Variants in QTMAN observed in about 807,000 individuals in gnomAD.
QTMAN encodes the protein tRNA-queuosine alpha-mannosyltransferase.
the QTMAN span, among the ~76,000 whole-genome samples, chr2:144,154,981 C>A: frequency 1.3e-5 from 2 of 152,170 alleles, no homozygotes; most frequent in Non-Finnish European, 2.9e-5. Context: ...AACTGGTTAA[C>A]TTTCCATTTA....
the QTMAN span, among the ~76,000 whole-genome samples, chr2:144,016,493 T>C: frequency 6.6e-6 from 1 of 152,120 alleles, no homozygotes; most frequent in Non-Finnish European, 1.5e-5. Context: ...CCACGTACAT[T>C]TGCTCTTTCT....
At chr2:143,939,194 TTTTC>T in the QTMAN span, 2 of 152,200 alleles carry the variant, frequency 1.3e-5, no homozygotes, top group African/African-American at 4.8e-5. Flanking sequence ...GATTAGGAGT[TTTTC>T]TTTTTCTTAC....
At chr2:144,021,403 A>G in the QTMAN span, among the ~76,000 whole-genome samples, 1 of 152,310 alleles carries the variant, frequency 6.6e-6, no homozygotes, top group Admixed American at 6.5e-5. Context: ...TCTCTTACGT[A>G]CCCTTTTTCT....
the QTMAN span, among the ~76,000 whole-genome samples, chr2:144,110,729 C>A: frequency 6.9e-6 from 1 of 143,954 alleles, no homozygotes; most frequent in Non-Finnish European, 1.5e-5. Flanking sequence ...TGAAATCTTA[C>A]ATTACGAAAT....
At chr2:143,973,681 C>T in the QTMAN span, among the ~76,000 whole-genome samples, 8 of 151,320 alleles carry the variant, frequency 5.3e-5, no homozygotes, top group South Asian at 6.3e-4. Context: ...CCCAGCTACA[C>T]GGGAGGCTGA....
the QTMAN span, among the ~76,000 whole-genome samples, chr2:144,205,299 T>G: frequency 6.6e-6 from 1 of 152,216 alleles, no homozygotes; most frequent in African/African-American, 2.4e-5. Flanking sequence ...TTGTACTTCA[T>G]GGTTGCGGAC....
At chr2:144,239,529 C>T in the QTMAN span, among the ~76,000 whole-genome samples, 2 of 152,154 alleles carry the variant, frequency 1.3e-5, no homozygotes, top group Non-Finnish European at 2.9e-5. Context: ...CCCATTCCTT[C>T]CTCCCTGCTA....
the QTMAN span, among the ~76,000 whole-genome samples, chr2:144,307,159 TAAAAAAAAAA>T: frequency 1.5e-4 from 6 of 40,466 alleles, no homozygotes; most frequent in East Asian, 2.5e-3. Context: ...GACTCCGTCT[TAAAAAAAAAA>T]AAAAAAAAAA....
chr2:144,331,824 G>A, the QTMAN span, among the ~76,000 whole-genome samples: 1 of 152,222 alleles, frequency 6.6e-6, no homozygotes, highest in Admixed American at 6.5e-5. Flanking sequence ...GGGGCACAGT[G>A]AGGGTCTTCA....
chr2:143,950,236 A>G, the QTMAN span, among the ~76,000 whole-genome samples: 3 of 151,930 alleles, frequency 2.0e-5, no homozygotes, highest in South Asian at 6.2e-4. Flanking sequence ...GCTCAATGAA[A>G]TAACATTTAA....
the QTMAN span, among the ~76,000 whole-genome samples, chr2:144,292,690 A>G: frequency 1.3e-5 from 2 of 152,186 alleles, no homozygotes; most frequent in African/African-American, 4.8e-5. Context: ...CATGCTTACA[A>G]TGGAAATTGA....
the QTMAN span, among the ~76,000 whole-genome samples, chr2:144,217,686 C>A: frequency 5.3e-5 from 8 of 152,014 alleles, no homozygotes; most frequent in Non-Finnish European, 8.8e-5. Flanking sequence ...TTCTTTACCC[C>A]TCAGCACTGG....
At chr2:144,233,501 T>G in the QTMAN span, among the ~76,000 whole-genome samples, 2 of 152,148 alleles carry the variant, frequency 1.3e-5, no homozygotes, top group African/African-American at 2.4e-5. Context: ...CTGCCTGCCT[T>G]CCTTCGGTGA....
the QTMAN span, among the ~76,000 whole-genome samples, chr2:143,990,043 G>A: frequency 6.6e-6 from 1 of 152,066 alleles, no homozygotes; most frequent in African/African-American, 2.4e-5. Context: ...GAATCTCTCA[G>A]TGTGGGGGGC....
chr2:144,312,329 C>T, the QTMAN span, among the ~76,000 whole-genome samples: 5 of 152,010 alleles, frequency 3.3e-5, no homozygotes, highest in Non-Finnish European at 7.4e-5. Flanking sequence ...CTACACCCAG[C>T]TGGGAAATAC....
the QTMAN span, among the ~76,000 whole-genome samples, chr2:144,066,385 C>A: frequency 7.9e-5 from 12 of 152,338 alleles, no homozygotes; most frequent in South Asian, 2.1e-3. Context: ...ACATTTAAAT[C>A]TCTCCTCCAC....
At chr2:144,038,776 G>A in the QTMAN span, among the ~76,000 whole-genome samples, 2 of 152,102 alleles carry the variant, frequency 1.3e-5, no homozygotes, top group Non-Finnish European at 2.9e-5. Context: ...CCCCTCAATA[G>A]AGATTAAATT....
At chr2:144,204,137 T>C in the QTMAN span, among the ~76,000 whole-genome samples, 1,772 of 152,198 alleles carry the variant, frequency 0.012, 14 homozygotes, top group Non-Finnish European at 0.019. Flanking sequence ...AAAGCCAAAA[T>C]TGACAAATGG....
the QTMAN span, among the ~76,000 whole-genome samples, chr2:144,046,569 A>G: frequency 6.6e-6 from 1 of 152,218 alleles, no homozygotes; most frequent in Non-Finnish European, 1.5e-5. Context: ...TCAAAAATCT[A>G]CATCTACTTC....
Sources: gnomAD v4.1 joint callset for allele counts (sites outside exome capture counted in the v4.1 genomes callset) on GRCh38, gnomAD v4.1.1 for gene constraint, MANE v1.5 for transcripts, NCBI Gene and HGNC (gene_info 2026-07-23, HGNC 2026-07-21) for gene names.